TRIM2: variants seen among roughly 807,000 people sequenced by gnomAD.
TRIM2 encodes tripartite motif containing 2, also known as tripartite motif-containing protein 2.
A neutral mutation model predicts 75.2 loss-of-function variants in TRIM2; 20 were observed. That is an observed-to-expected ratio of 0.27 (90% CI 0.19 to 0.39). The LOEUF is 0.39. TRIM2 is among the 10% of genes least tolerant of loss of function. The pLI is 1.00. For missense variants in TRIM2, 660 were observed against 990.8 expected (o/e 0.67, Z 4.48); for synonymous variants, 373 against 388.3 (o/e 0.96, Z 0.46).
At chr4:153,162,011 C>A (rs1485429824) in intron 1 of TRIM2, among the ~76,000 whole-genome samples, 1 of 152,198 alleles carries the variant, frequency 6.6e-6, no homozygotes, top group African/African-American at 2.4e-5. Context: ...TGCGTGGGAC[C>A]AATTTGGCCA....
intron 4 of TRIM2, among the ~76,000 whole-genome samples, chr4:153,293,972 A>G (rs1055059961): frequency 1.2e-4 from 18 of 152,154 alleles, no homozygotes; most frequent in Non-Finnish European, 2.6e-4. Context: ...CTGCTGTTAA[A>G]CATCATACAA....
intron 11 of TRIM2, among the ~76,000 whole-genome samples, chr4:153,334,164 C>T (rs954973222): frequency 6.6e-6 from 1 of 151,730 alleles, no homozygotes; most frequent in Non-Finnish European, 1.5e-5. Context: ...TTTTAAGCAC[C>T]ATCTAGGGCC....
chr4:153,280,860 G>A (rs1427615778), intron 3 of TRIM2, among the ~76,000 whole-genome samples: 3 of 151,792 alleles, frequency 2.0e-5, no homozygotes, highest in Non-Finnish European at 4.4e-5. Context: ...AATTTTTTGT[G>A]TTTTTAGTAG....
intron 1 of TRIM2, among the ~76,000 whole-genome samples, chr4:153,237,663 G>A (rs1745393180): frequency 6.6e-6 from 1 of 152,012 alleles, no homozygotes; most frequent in Non-Finnish European, 1.5e-5. Context: ...CCAGGCGACA[G>A]TGCGAGACTC....
chr4:153,316,914 T>G (rs1221834953), intron 8 of TRIM2, among the ~76,000 whole-genome samples: 2 of 123,530 alleles, frequency 1.6e-5, no homozygotes, highest in African/African-American at 3.2e-5. Context: ...GGAGTCTTGC[T>G]CTGTCACCCA....
chr4:153,315,421 T>C, intron 6 of TRIM2, 64 bp from the exon 7 acceptor site: 1 of 1,314,248 alleles, frequency 7.6e-7, no homozygotes. Context: ...AATTATTCTC[T>C]TGCTGAAACA....
chr4:153,335,994 C>T lies in TRIM2; in HGVS notation c.*1028C>T. On this transcript the variant is annotated 3_prime_UTR_variant, in exon 12 of 12. Coordinates refer to ENST00000338700, the MANE Select transcript of TRIM2 (RefSeq NM_015271.5). ...TTCCCCCTTAGAAAGCAAGTGTTAC[C>T]AAAGTTGTGTTATCTTGAAAGCATT... is the stretch of plus-strand genomic sequence containing the variant. The T allele has an allele frequency of 1.0e-6, 1 of 985,668 alleles. No homozygotes were observed. The highest frequency in any genetic ancestry group is 4.7e-5 in the South Asian group (1 of 21,276). 61.1% of individuals were successfully genotyped at this position (985,668 alleles called of 1,614,324 possible). A position where few individuals can be genotyped will look rare whatever the true frequency, so the allele number is the denominator to read the frequency against.
chr4:153,270,481 T>C lies in TRIM2; in HGVS notation c.177T>C (p.Asn59=). ...GTATATGCCTGGAACGGTACAAGAA[T>C]CCCAAGGTTCTCCCCTGTCTGCACA... The part of the protein sequence containing the change: ...ICSICLERYK[N]PKVLPCLHTF... Residue 59 remains asparagine, a synonymous_variant, in exon 2 of 12, where the codon AAT becomes AAC. Coordinates refer to ENST00000338700, the MANE Select transcript of TRIM2 (RefSeq NM_015271.5). 1 of 1,613,226 alleles carries C rather than the reference T, an allele frequency of 6.2e-7. No homozygotes were observed. The highest frequency in any genetic ancestry group is 8.5e-7 in the Non-Finnish European group (1 of 1,179,648).
chr4:153,206,603 A>G (rs1448634390), intron 1 of TRIM2, among the ~76,000 whole-genome samples: 2 of 152,030 alleles, frequency 1.3e-5, no homozygotes, highest in Non-Finnish European at 2.9e-5. Context: ...TTGGGTTTTT[A>G]TGGAGGCCTC....
Position 153,337,060 on chromosome 4 carries a change from C to T in TRIM2, c.*2094C>T, listed in dbSNP as rs1772537952. On this transcript the variant is annotated 3_prime_UTR_variant, in exon 12 of 12. Transcript: ENST00000338700. ...CAAAACAGGTAAAAAATCGCTGCCC[C>T]CTCAGAGCTGACATTCTGGGGTGGG... The T allele has an allele frequency of 1.0e-6, 1 of 985,204 alleles. No homozygotes were observed. The highest frequency in any genetic ancestry group is 1.2e-6 in the Non-Finnish European group (1 of 829,790). The allele number at this position is 985,204 out of a possible 1,614,324, so 61.0% of individuals were successfully genotyped here.
At chr4:153,239,180 A>G (rs1306209770) in intron 1 of TRIM2, among the ~76,000 whole-genome samples, 1 of 152,050 alleles carries the variant, frequency 6.6e-6, no homozygotes, top group Non-Finnish European at 1.5e-5. Flanking sequence ...GCGAAACCCC[A>G]TCTCTACTAA....
chr4:153,233,186 CT>C (rs957087683), intron 1 of TRIM2, among the ~76,000 whole-genome samples: 2 of 152,230 alleles, frequency 1.3e-5, no homozygotes, highest in African/African-American at 4.8e-5. Context: ...TGGTAAAGTT[CT>C]CTACTTCCAA....
chr4:153,291,771 C>G (rs1289445209), intron 3 of TRIM2, among the ~76,000 whole-genome samples: 1 of 152,108 alleles, frequency 6.6e-6, no homozygotes, highest in Non-Finnish European at 1.5e-5. Context: ...TCATCATCCC[C>G]ACAGCAGCTA....
chr4:153,179,536 C>T (rs1416196220), intron 1 of TRIM2, among the ~76,000 whole-genome samples: 2 of 152,214 alleles, frequency 1.3e-5, no homozygotes, highest in East Asian at 1.9e-4. Context: ...AATGCCGTAC[C>T]AAGACACGCT....
Position 153,240,450 on chromosome 4 carries a change from C to T in TRIM2, c.31-29885C>T, listed in dbSNP as rs113334722. The stretch of plus-strand genomic sequence containing the variant: ...ATTTGCATAAACAGTAAATATTTTT[C>T]TCCTACTTAAAACAAAAATCAAATA... On this transcript the variant is annotated intron_variant, in intron 1 of 11. Transcript: ENST00000338700. Among the ~76,000 whole-genome samples the T allele has an allele frequency of 2.7e-3, 407 of 152,254 alleles. 4 individuals are homozygous for T. The highest frequency in any genetic ancestry group is 9.6e-3 in the African/African-American group (398 of 41,554).
At chr4:153,294,594 G>A in intron 5 of TRIM2, 109 bp downstream of exon 5, 3 of 1,137,588 alleles carry the variant, frequency 2.6e-6, no homozygotes, top group East Asian at 5.2e-5. Flanking sequence ...TCATTGTATA[G>A]TAAACTATAG....
chr4:153,337,207 A>G lies in TRIM2; in HGVS notation c.*2241A>G, dbSNP rs1772549757. 1 of 985,350 alleles carries G rather than the reference A, an allele frequency of 1.0e-6. No individual in the cohort carries two copies. The highest frequency in any genetic ancestry group is 4.7e-5 in the South Asian group (1 of 21,294). 61.0% of individuals were successfully genotyped at this position (985,350 alleles called of 1,614,324 possible). A position where few individuals can be genotyped will look rare whatever the true frequency, so the allele number is the denominator to read the frequency against. Reference sequence around the variant, plus strand: ...TTTTAGTTTATTTTCACAAGTAAAAATGGCTTTTTATTTAGATTCTTTCTG... The same window carrying G: ...TTTTAGTTTATTTTCACAAGTAAAAGTGGCTTTTTATTTAGATTCTTTCTG... On this transcript the variant is annotated 3_prime_UTR_variant, in exon 12 of 12. Coordinates refer to ENST00000338700, the MANE Select transcript of TRIM2 (RefSeq NM_015271.5).
intron 1 of TRIM2, among the ~76,000 whole-genome samples, chr4:153,244,388 T>TTCC (rs1748230228): frequency 1.3e-5 from 1 of 75,012 alleles, no homozygotes; most frequent in Non-Finnish European, 2.3e-5. Context: ...CTTCTTCTTC[T>TTCC]TCTTCTTCTT....
intron 1 of TRIM2, among the ~76,000 whole-genome samples, chr4:153,211,936 G>T (rs946165706): frequency 7.2e-5 from 11 of 152,116 alleles, no homozygotes; most frequent in African/African-American, 2.4e-4. Context: ...TCCCAAGATG[G>T]TTTGTTACTG....
Sources: gnomAD v4.1 joint callset for allele counts (sites outside exome capture counted in the v4.1 genomes callset) on GRCh38, gnomAD v4.1.1 for gene constraint, MANE v1.5 for transcripts, NCBI Gene and HGNC (gene_info 2026-07-23, HGNC 2026-07-21) for gene names.